MYRIP: variants seen among roughly 807,000 people sequenced by gnomAD.
MYRIP encodes rab effector MyRIP.
Under a neutral mutation model 98.0 loss-of-function variants are expected in MYRIP, and 49 were observed. That is an observed-to-expected ratio of 0.50 (90% CI 0.40 to 0.63). MYRIP has a LOEUF of 0.63. Ranked by LOEUF, MYRIP falls within the 30% of genes least tolerant of loss-of-function variation. The pLI is 0.00. For missense variants in MYRIP, 1,004 were observed against 1,058.2 expected, an observed-to-expected ratio of 0.95 and a Z score of 0.71; for synonymous variants, 404 against 409.5, an observed-to-expected ratio of 0.99 and a Z score of 0.16.
chr3:40,225,181 G>A (rs34137684), intron 11 of MYRIP, among the ~76,000 whole-genome samples: 13,195 of 152,116 alleles, frequency 0.087, 886 homozygotes, highest in African/African-American at 0.2. Flanking sequence ...AGTGATGAGC[G>A]GACTGGGAGT....
chr3:39,887,909 G>C (rs898304960), intron 1 of MYRIP, among the ~76,000 whole-genome samples: 6 of 151,850 alleles, frequency 4.0e-5, no homozygotes, highest in South Asian at 2.1e-4. Flanking sequence ...GCCAAATCAT[G>C]AGTGAACTCC....
chr3:40,083,683 C>T (rs1379732698), intron 3 of MYRIP, among the ~76,000 whole-genome samples: 4 of 151,954 alleles, frequency 2.6e-5, no homozygotes, highest in South Asian at 4.2e-4. Flanking sequence ...CAATGCATTA[C>T]TTACAGGGAA....
intron 2 of MYRIP, among the ~76,000 whole-genome samples, chr3:39,984,711 G>A (rs1373574867): frequency 2.6e-5 from 4 of 151,958 alleles, no homozygotes; most frequent in African/African-American, 9.7e-5. Context: ...CTTTATAGCA[G>A]CATGATTTAT....
intron 1 of MYRIP, among the ~76,000 whole-genome samples, chr3:39,813,814 C>T (rs1045980360): frequency 6.6e-5 from 10 of 152,222 alleles, no homozygotes; most frequent in African/African-American, 2.4e-4. Context: ...ATTCAACCTG[C>T]AATGCTGGGA....
At chr3:40,213,750 G>A (rs1952033708) in intron 11 of MYRIP, among the ~76,000 whole-genome samples, 1 of 152,126 alleles carries the variant, frequency 6.6e-6, no homozygotes, top group African/African-American at 2.4e-5. Flanking sequence ...CCAACTACCT[G>A]AGGACCTTCT....
At chr3:39,988,621 A>C (rs770436292) in intron 2 of MYRIP, among the ~76,000 whole-genome samples, 1 of 149,952 alleles carries the variant, frequency 6.7e-6, no homozygotes, top group South Asian at 2.1e-4. Flanking sequence ...GCTCGGTTCC[A>C]TTCTCTCTGT....
chr3:39,935,060 G>A (rs557002927), intron 2 of MYRIP, among the ~76,000 whole-genome samples: 2 of 152,288 alleles, frequency 1.3e-5, no homozygotes, highest in South Asian at 4.1e-4. Flanking sequence ...TAAGAGTCCT[G>A]GGGCTGATCT....
chr3:40,195,606 T>C (rs1951365947), intron 10 of MYRIP, among the ~76,000 whole-genome samples: 1 of 152,210 alleles, frequency 6.6e-6, no homozygotes, highest in Non-Finnish European at 1.5e-5. Context: ...AGCTTTTTCT[T>C]CTATAATCTG....
At chr3:40,160,602 A>G (rs866892321) in intron 4 of MYRIP, among the ~76,000 whole-genome samples, 3,112 of 152,006 alleles carry the variant, frequency 0.02, 110 homozygotes, top group African/African-American at 0.071. Flanking sequence ...CCTCGCTGCC[A>G]CCTTGCAGTT....
intron 2 of MYRIP, among the ~76,000 whole-genome samples, chr3:39,911,701 A>G (rs1944024710): frequency 6.6e-6 from 1 of 152,240 alleles, no homozygotes; most frequent in South Asian, 2.1e-4. Flanking sequence ...TTAGCCAGAA[A>G]TGGCCTGAAA....
chr3:39,933,725 A>G (rs991671360), intron 2 of MYRIP, among the ~76,000 whole-genome samples: 1 of 152,258 alleles, frequency 6.6e-6, no homozygotes, highest in African/African-American at 2.4e-5. Context: ...TTTTAAGATT[A>G]GGGAAAGGGA....
intron 1 of MYRIP, among the ~76,000 whole-genome samples, chr3:39,840,462 C>T (rs1385307856): frequency 1.3e-5 from 2 of 152,060 alleles, no homozygotes; most frequent in East Asian, 1.9e-4. Flanking sequence ...GCATTTAGCC[C>T]GTTTACATTT....
intron 3 of MYRIP, among the ~76,000 whole-genome samples, chr3:40,061,554 T>A (rs59947601): frequency 0.025 from 3,764 of 152,312 alleles, 151 homozygotes; most frequent in African/African-American, 0.083. Flanking sequence ...TACATGTGTA[T>A]GTGTCTTTAT....
chr3:39,827,790 T>C (rs1217905228), intron 1 of MYRIP, among the ~76,000 whole-genome samples: 1 of 152,172 alleles, frequency 6.6e-6, no homozygotes, highest in African/African-American at 2.4e-5. Context: ...TGGTGATCAA[T>C]TCCCTGTTTT....
In MYRIP at chr3:40,162,887, G is replaced by T; in HGVS notation, c.550+77G>T. ...ACCTACAGGTACAGGTACTGCCAGGGTCCCCCAGATGCATTGTTACCCCAG... is the reference window on the plus strand; with the variant it reads ...ACCTACAGGTACAGGTACTGCCAGGTTCCCCCAGATGCATTGTTACCCCAG... On this transcript the variant is annotated intron_variant, in intron 5 of 16. Coordinates refer to ENST00000302541, the MANE Select transcript of MYRIP (RefSeq NM_015460.4). 6 of 1,366,452 alleles carry T rather than the reference G, an allele frequency of 4.4e-6. No individual in the cohort carries two copies. The South Asian group carries it at 7.1e-5, about 16-fold the overall frequency. The allele number at this position is 1,366,452 out of a possible 1,614,324, so 84.6% of individuals were successfully genotyped here. A position where few individuals can be genotyped will look rare whatever the true frequency, so the allele number is the denominator to read the frequency against.
chr3:40,216,861 T>A (rs1188781253), intron 11 of MYRIP, among the ~76,000 whole-genome samples: 1 of 152,232 alleles, frequency 6.6e-6, no homozygotes, highest in Non-Finnish European at 1.5e-5. Context: ...ATTTTACTAC[T>A]GATCAAAGAA....
At chr3:40,014,007 T>A (rs1234564708) in intron 2 of MYRIP, among the ~76,000 whole-genome samples, 1 of 152,242 alleles carries the variant, frequency 6.6e-6, no homozygotes, top group Admixed American at 6.5e-5. Context: ...TTAAATTTAT[T>A]CATAAGCATA....
chr3:39,827,145 C>T (rs1287888160), intron 1 of MYRIP, among the ~76,000 whole-genome samples: 1 of 152,102 alleles, frequency 6.6e-6, no homozygotes, highest in African/African-American at 2.4e-5. Flanking sequence ...CAAGATCTTG[C>T]TTTGCTGCCC....
At chr3:40,170,230 AAGTG>A (rs1950585483) in intron 8 of MYRIP, 137 bp downstream of exon 8, 1 of 1,144,706 alleles carries the variant, frequency 8.7e-7, no homozygotes, top group Middle Eastern at 3.1e-4. Context: ...TTGAAAGAGA[AAGTG>A]AGTGTGAGTC....
Sources: allele counts gnomAD v4.1 joint callset (sites outside exome capture counted in the v4.1 genomes callset), GRCh38; gene constraint gnomAD v4.1.1; transcripts MANE v1.5; gene names NCBI Gene and HGNC (gene_info 2026-07-23, HGNC 2026-07-21).